Variants in SLC35F4 observed in about 807,000 individuals in gnomAD.
The protein encoded by SLC35F4 is chromosome 14 open reading frame 36.
In SLC35F4, 24 loss-of-function variants were observed where a neutral mutation model predicts 44.2. The ratio of observed to expected loss-of-function variants is 0.54; its 90% CI spans 0.39 to 0.76. SLC35F4 has a LOEUF of 0.76. SLC35F4 is among the 30% of genes least tolerant of loss of function. The pLI, the probability that SLC35F4 is intolerant of heterozygous loss-of-function variation, is 0.00. For missense variants in SLC35F4, 562 were observed against 586.1 expected (o/e 0.96, Z 0.42); for synonymous variants, 238 against 223.6 (o/e 1.06, Z -0.57).
At chr14:57,878,488 C>T (rs540489357) in intron 1 of SLC35F4, among the ~76,000 whole-genome samples, 178 of 152,286 alleles carry the variant, frequency 1.2e-3, no homozygotes, top group Non-Finnish European at 2.1e-3. Context: ...GACTACTCCC[C>T]TCATTCTAAA....
intron 1 of SLC35F4, among the ~76,000 whole-genome samples, chr14:57,962,307 T>C (rs1272718234): frequency 6.6e-6 from 1 of 151,988 alleles, no homozygotes; most frequent in African/African-American, 2.4e-5. Flanking sequence ...GGAAAGGCAG[T>C]GAAAAACAAG....
chr14:57,970,519 G>A (rs1339275313), intron 1 of SLC35F4, among the ~76,000 whole-genome samples: 1 of 151,930 alleles, frequency 6.6e-6, no homozygotes, highest in African/African-American at 2.4e-5. Context: ...CTATTTTTTT[G>A]TTATGAATGA....
chr14:57,904,885 T>G (rs1889077644), intron 1 of SLC35F4, among the ~76,000 whole-genome samples: 1 of 152,192 alleles, frequency 6.6e-6, no homozygotes, highest in African/African-American at 2.4e-5. Context: ...AGCTTCAACT[T>G]TGCAAGGAGC....
chr14:57,780,077 T>C (rs548738037), intron 1 of SLC35F4, among the ~76,000 whole-genome samples: 13 of 152,282 alleles, frequency 8.5e-5, no homozygotes, highest in Admixed American at 7.2e-4. Context: ...TTGGAAGTCT[T>C]AGCCAGAGCA....
intron 1 of SLC35F4, among the ~76,000 whole-genome samples, chr14:57,676,957 C>A (rs1312500159): frequency 6.6e-6 from 1 of 152,082 alleles, no homozygotes; most frequent in Non-Finnish European, 1.5e-5. Context: ...AAGACACTTG[C>A]ACACACATGT....
chr14:57,894,499 TA>T (rs1486543737), intron 1 of SLC35F4, among the ~76,000 whole-genome samples: 1 of 152,074 alleles, frequency 6.6e-6, no homozygotes, highest in Non-Finnish European at 1.5e-5. Context: ...TAAATAAAAT[TA>T]AGTGAAAAAC....
At chr14:57,744,904 T>C (rs1182796771) in intron 1 of SLC35F4, among the ~76,000 whole-genome samples, 1 of 152,082 alleles carries the variant, frequency 6.6e-6, no homozygotes, top group Non-Finnish European at 1.5e-5. Flanking sequence ...TATAGACCAA[T>C]GGAACAGAAC....
At chr14:57,843,332 C>A (rs753565527) in intron 1 of SLC35F4, among the ~76,000 whole-genome samples, 3 of 152,122 alleles carry the variant, frequency 2.0e-5, no homozygotes, top group Non-Finnish European at 4.4e-5. Flanking sequence ...AGGATCCTGA[C>A]TGAATATTGT....
chr14:57,703,867 C>T (rs1053656164), intron 1 of SLC35F4, among the ~76,000 whole-genome samples: 2 of 152,198 alleles, frequency 1.3e-5, no homozygotes, highest in African/African-American at 4.8e-5. Context: ...CCTTAAAGGG[C>T]GTAATTTTTT....
At chr14:57,869,783 C>A (rs1029656087), upstream of SLC35F4, among the ~76,000 whole-genome samples, 3 of 152,138 alleles carry the variant, frequency 2.0e-5, no homozygotes, top group African/African-American at 7.2e-5. Flanking sequence ...AGAAATGGCA[C>A]CTGAGAAAGA....
In SLC35F4 at chr14:57,682,468, G is replaced by A. The variant is rs546263275; in HGVS notation, c.104-88344C>T. Among the ~76,000 whole-genome samples, 7 of 152,084 alleles carry A rather than the reference G, an allele frequency of 4.6e-5. No homozygotes were observed. In the South Asian group the frequency reaches 6.2e-4, roughly 14 times the overall value. ...ATGAGAATATATGGACACAGGGAGC[G>A]GAACATCACACACCTGTCATGGGGT... is the stretch of plus-strand genomic sequence containing the variant. On this transcript the variant is annotated intron_variant, in intron 1 of 7. Transcript: ENST00000556826.
intron 1 of SLC35F4, among the ~76,000 whole-genome samples, chr14:57,609,900 T>G (rs1172093065): frequency 2.6e-5 from 4 of 152,204 alleles, no homozygotes; most frequent in African/African-American, 9.7e-5. Flanking sequence ...CTGCCATGTG[T>G]TCCTAGCCTC....
chr14:57,859,067 T>C (rs1328863513), intron 1 of SLC35F4, among the ~76,000 whole-genome samples: 1 of 152,006 alleles, frequency 6.6e-6, no homozygotes, highest in Non-Finnish European at 1.5e-5. Flanking sequence ...ATTGCACCAC[T>C]GCACTACCAG....
At chr14:57,719,104 A>C (rs1782311669) in intron 1 of SLC35F4, among the ~76,000 whole-genome samples, 1 of 152,118 alleles carries the variant, frequency 6.6e-6, no homozygotes, top group African/African-American at 2.4e-5. Context: ...GTCTTTCCCC[A>C]GTGTATGTTC....
chr14:57,973,427 C>T (rs966023549), downstream of SLC35F4, among the ~76,000 whole-genome samples: 16 of 152,314 alleles, frequency 1.1e-4, no homozygotes, highest in African/African-American at 3.8e-4. Context: ...TGGGTCTACA[C>T]ACCTTACCTT....
chr14:57,818,696 C>A (rs751415190), intron 1 of SLC35F4, among the ~76,000 whole-genome samples: 2 of 152,204 alleles, frequency 1.3e-5, no homozygotes, highest in Non-Finnish European at 2.9e-5. Flanking sequence ...ATCTGGGTCA[C>A]TGACCAAGCA....
intron 1 of SLC35F4, among the ~76,000 whole-genome samples, chr14:57,628,493 T>G: frequency 7.0e-6 from 1 of 141,952 alleles, no homozygotes; most frequent in Non-Finnish European, 1.5e-5. Context: ...TTCCCCTCCC[T>G]GTGTCCATGT....
At chr14:57,969,802 A>AT (rs1312654197) in intron 1 of SLC35F4, among the ~76,000 whole-genome samples, 1 of 152,090 alleles carries the variant, frequency 6.6e-6, no homozygotes, top group Non-Finnish European at 1.5e-5. Context: ...CTTTTGAATT[A>AT]TTTCCTTTGG....
At chr14:57,711,770 G>A (rs78065905) in intron 1 of SLC35F4, among the ~76,000 whole-genome samples, 2,459 of 152,254 alleles carry the variant, frequency 0.016, 48 homozygotes, top group East Asian at 0.041. Context: ...AAACCGAAGC[G>A]CAGAAAATTA....
Sources: gnomAD v4.1 joint callset for allele counts (sites outside exome capture counted in the v4.1 genomes callset) on GRCh38, gnomAD v4.1.1 for gene constraint, MANE v1.5 for transcripts, NCBI Gene and HGNC (gene_info 2026-07-23, HGNC 2026-07-21) for gene names.